Variants in STK32B observed in about 807,000 individuals in gnomAD.
STK32B encodes serine/threonine-protein kinase 32B.
A neutral mutation model predicts 52.6 loss-of-function variants in STK32B; 43 were observed. That is an observed-to-expected ratio of 0.82 (90% confidence interval 0.64 to 1.05). The LOEUF is 1.05. STK32B is among the 50% of genes least tolerant of loss of function. The probability of loss-of-function intolerance (pLI) is 0.00; values close to 1 mark genes in which losing one functional copy is unlikely to be tolerated. For missense variants in STK32B, 621 were observed against 534.6 expected (o/e 1.16, Z -1.59); for synonymous variants, 238 against 204.3 (o/e 1.17, Z -1.41).
chr4:5,411,324 T>C (rs1406735275), intron 5 of STK32B, among the ~76,000 whole-genome samples: 1 of 152,098 alleles, frequency 6.6e-6, no homozygotes, highest in Non-Finnish European at 1.5e-5. Flanking sequence ...CGTGAGCCAC[T>C]GTGCCCGGCC....
At chr4:5,360,730 A>G (rs1488049733) in intron 4 of STK32B, among the ~76,000 whole-genome samples, 1 of 152,064 alleles carries the variant, frequency 6.6e-6, no homozygotes, top group Non-Finnish European at 1.5e-5. Context: ...CGCTTGAACC[A>G]GGGAGGTGGA....
At chr4:5,387,530 C>T (rs1409220301) in intron 4 of STK32B, among the ~76,000 whole-genome samples, 7 of 151,950 alleles carry the variant, frequency 4.6e-5, no homozygotes, top group South Asian at 2.1e-4. Flanking sequence ...TGAGAGGTGA[C>T]GGGTGCAGAG....
chr4:5,320,860 C>T (rs564105810), intron 3 of STK32B, among the ~76,000 whole-genome samples: 1 of 152,162 alleles, frequency 6.6e-6, no homozygotes, highest in African/African-American at 2.4e-5. Context: ...AAGAGTGATG[C>T]ATTGTAATTT....
At position 5,070,530 on chromosome 4, in the gene STK32B, GA is replaced by G. The variant is rs200876393; in HGVS notation, c.52+18616del. 7.5e-3 allele frequency among the ~76,000 whole-genome samples: 1,146 copies of G among 152,230 alleles called. 11 individuals carry two copies. Among genetic ancestry groups the G allele is most frequent in the South Asian group, 0.027 (132 of 4,822 alleles). ...GGTTGAATTGTGTCTTCCAAAATAA[GA>G]CGTGTAGAAGCCCAAACTCTGATTA... On this transcript the variant is annotated intron_variant, in intron 1 of 11. Transcript: ENST00000282908.
chr4:5,402,734 C>T (rs1022479445), intron 5 of STK32B, among the ~76,000 whole-genome samples: 1 of 152,188 alleles, frequency 6.6e-6, no homozygotes, highest in Non-Finnish European at 1.5e-5. Flanking sequence ...TAATCTGCAG[C>T]CAAGGCTGTG....
intron 3 of STK32B, among the ~76,000 whole-genome samples, chr4:5,175,514 T>C (rs1366460844): frequency 6.6e-6 from 1 of 152,230 alleles, no homozygotes. Context: ...TAGTTTTCCT[T>C]CTAACAGTCA....
chr4:5,357,625 G>A (rs566957263), intron 4 of STK32B, among the ~76,000 whole-genome samples: 1 of 141,328 alleles, frequency 7.1e-6, no homozygotes, highest in East Asian at 2.2e-4. Flanking sequence ...AGTAAAAACT[G>A]TTACAGCCCT....
At chr4:5,164,948 C>G (rs1211477872) in intron 2 of STK32B, among the ~76,000 whole-genome samples, 1 of 152,188 alleles carries the variant, frequency 6.6e-6, no homozygotes, top group Admixed American at 6.5e-5. Flanking sequence ...ACCAACCCTT[C>G]TTGGTCAGTG....
intron 3 of STK32B, among the ~76,000 whole-genome samples, chr4:5,260,581 C>G (rs1311060925): frequency 6.6e-6 from 1 of 152,106 alleles, no homozygotes; most frequent in Admixed American, 6.6e-5. Flanking sequence ...AGGCTACTAA[C>G]TTTGAAAGGG....
At chr4:5,355,705 A>T (rs7661177) in intron 4 of STK32B, among the ~76,000 whole-genome samples, 28 of 151,918 alleles carry the variant, frequency 1.8e-4, no homozygotes, top group Non-Finnish European at 4.1e-4. Flanking sequence ...AATCAAAAAT[A>T]TCTCCACACA....
chr4:5,092,005 C>T (rs183631679), intron 1 of STK32B, among the ~76,000 whole-genome samples: 2 of 152,204 alleles, frequency 1.3e-5, no homozygotes, highest in African/African-American at 4.8e-5. Context: ...TAAACAAATC[C>T]ATAGAAATGG....
intron 1 of STK32B, among the ~76,000 whole-genome samples, chr4:5,109,298 T>TC (rs1186681549): frequency 6.6e-6 from 1 of 152,228 alleles, no homozygotes. Flanking sequence ...ATTCATTCAT[T>TC]CATGTATTCA....
intron 5 of STK32B, among the ~76,000 whole-genome samples, chr4:5,415,111 G>A (rs1174495673): frequency 6.6e-6 from 1 of 152,168 alleles, no homozygotes; most frequent in Non-Finnish European, 1.5e-5. Flanking sequence ...GAATAGGAGG[G>A]TGCAGGAGAT....
intron 6 of STK32B, among the ~76,000 whole-genome samples, chr4:5,442,252 G>C (rs900921819): frequency 6.8e-6 from 1 of 147,742 alleles, no homozygotes; most frequent in Non-Finnish European, 1.5e-5. Flanking sequence ...TCTCTTTGTA[G>C]GTCACTCAGG....
intron 1 of STK32B, among the ~76,000 whole-genome samples, chr4:5,054,147 T>C (rs904130882): frequency 6.6e-6 from 1 of 152,176 alleles, no homozygotes; most frequent in African/African-American, 2.4e-5. Flanking sequence ...AACCGACTCA[T>C]TTATTTCGTA....
intron 4 of STK32B, among the ~76,000 whole-genome samples, chr4:5,350,580 G>T (rs1334893804): frequency 6.6e-6 from 1 of 151,846 alleles, no homozygotes; most frequent in African/African-American, 2.4e-5. Context: ...TAGGAACAAA[G>T]GATATACAAA....
intron 7 of STK32B, among the ~76,000 whole-genome samples, chr4:5,447,685 T>C (rs980291982): frequency 1.3e-5 from 2 of 152,194 alleles, no homozygotes; most frequent in African/African-American, 4.8e-5. Flanking sequence ...GTTATTTCTT[T>C]GCACAAGTAT....
chr4:5,045,354 T>C, the STK32B span, among the ~76,000 whole-genome samples: 2,960 of 152,350 alleles, frequency 0.019, 94 homozygotes, highest in African/African-American at 0.068. Context: ...TCTGCAATAC[T>C]TTCATTCCTG....
chr4:5,419,651 A>T (rs1157952766), intron 6 of STK32B, among the ~76,000 whole-genome samples: 1 of 152,196 alleles, frequency 6.6e-6, no homozygotes, highest in African/African-American at 2.4e-5. Context: ...TTCCGTGTAG[A>T]AATCACTACC....
Sources: allele counts gnomAD v4.1 joint callset (sites outside exome capture counted in the v4.1 genomes callset), GRCh38; gene constraint gnomAD v4.1.1; transcripts MANE v1.5; gene names NCBI Gene and HGNC (gene_info 2026-07-23, HGNC 2026-07-21).